The following ZNF169 variants were observed in gnomAD, a reference collection of about 807,000 sequenced individuals.
ZNF169 encodes the protein zinc finger protein 169.
A neutral mutation model predicts 12.0 loss-of-function variants in ZNF169; 11 were observed. That is an observed-to-expected ratio of 0.92 (90% CI 0.58 to 1.52). The LOEUF (loss-of-function observed/expected upper bound fraction) is 1.52, where lower values mean the gene tolerates loss of function less well. Among genes scored for constraint, ZNF169 ranks in the 40% most tolerant of loss-of-function variants. The pLI is 0.00. For missense variants in ZNF169, 722 were observed against 744.0 expected, an observed-to-expected ratio of 0.97 and a Z score of 0.34; for synonymous variants, 302 against 286.5, an observed-to-expected ratio of 1.05 and a Z score of -0.55.
intron 1 of ZNF169, among the ~76,000 whole-genome samples, chr9:94,260,696 A>G (rs557922829): frequency 9.2e-5 from 14 of 152,100 alleles, no homozygotes; most frequent in Non-Finnish European, 1.8e-4. Context: ...TGCAACAAGC[A>G]GAATGGTGCC....
At chr9:94,287,547 G>A (rs1287515059) in intron 2 of ZNF169, among the ~76,000 whole-genome samples, 2 of 152,106 alleles carry the variant, frequency 1.3e-5, no homozygotes, top group Non-Finnish European at 2.9e-5. Context: ...TGTATTTTTA[G>A]TAGAGACAGG....
intron 4 of ZNF169, among the ~76,000 whole-genome samples, chr9:94,297,977 G>A (rs536770301): frequency 6.6e-6 from 1 of 151,996 alleles, no homozygotes; most frequent in Non-Finnish European, 1.5e-5. Flanking sequence ...GACCAGCCTG[G>A]CCAACATGGT....
chr9:94,279,299 G>A (rs1263525410), intron 2 of ZNF169, among the ~76,000 whole-genome samples: 4 of 152,066 alleles, frequency 2.6e-5, no homozygotes, highest in African/African-American at 9.7e-5. Context: ...GCTGAGGCAG[G>A]AGAATCACTT....
Position 94,300,142 on chromosome 9 carries a change from G to T in ZNF169, c.584G>T (p.Gly195Val), listed in dbSNP as rs775032176. 5 of 1,614,190 alleles carry T rather than the reference G, an allele frequency of 3.1e-6. No homozygotes were observed. The South Asian group carries it at 5.5e-5, about 18-fold the overall frequency. The stretch of plus-strand genomic sequence containing the variant: ...CGCCTGGCCCAAAGGATGAGTCTTG[G>T]GGGGTCAGACACAATGTTGAAGGGA... ...DLRLAQRMSL[G>V]GSDTMLKGAD... The change falls in exon 5 of 5, where the codon GGG becomes GTG. Residue 195 changes from glycine to valine, a missense_variant. Physicochemically the swap from Gly to Val is moderately radical, Grantham distance 109. Transcript: ENST00000395395.
intron 1 of ZNF169, among the ~76,000 whole-genome samples, chr9:94,269,627 T>C (rs1248740066): frequency 6.6e-6 from 1 of 152,202 alleles, no homozygotes; most frequent in Admixed American, 6.5e-5. Context: ...TGCTATTTCT[T>C]GTGGCCCAAT....
intron 1 of ZNF169, among the ~76,000 whole-genome samples, chr9:94,267,720 T>C (rs1830318584): frequency 2.0e-5 from 3 of 152,314 alleles, no homozygotes; most frequent in South Asian, 4.1e-4. Flanking sequence ...ATTCCTGTTG[T>C]GCTTGATATT....
At chr9:94,272,957 T>G (rs966845059) in intron 1 of ZNF169, among the ~76,000 whole-genome samples, 1 of 152,202 alleles carries the variant, frequency 6.6e-6, no homozygotes, top group Non-Finnish European at 1.5e-5. Flanking sequence ...TGGTTTTCAT[T>G]TGCATTTCCC....
intron 1 of ZNF169, among the ~76,000 whole-genome samples, chr9:94,265,612 G>C (rs1357232705): frequency 6.6e-6 from 1 of 151,542 alleles, no homozygotes; most frequent in Non-Finnish European, 1.5e-5. Flanking sequence ...GTTTTCCAGA[G>C]CTTATATAAC....
At chr9:94,266,630 A>G (rs1180451303) in intron 1 of ZNF169, among the ~76,000 whole-genome samples, 1 of 152,192 alleles carries the variant, frequency 6.6e-6, no homozygotes, top group Admixed American at 6.5e-5. Flanking sequence ...AAAATAGGGA[A>G]AAAGGAAAAG....
intron 1 of ZNF169, among the ~76,000 whole-genome samples, chr9:94,260,989 T>C (rs1264118828): frequency 4.0e-5 from 6 of 150,492 alleles, no homozygotes; most frequent in African/African-American, 1.5e-4. Context: ...CCGGCTAATT[T>C]TTTTTGTATT....
In ZNF169 at chr9:94,301,473, A is replaced by G; in HGVS notation, c.*103A>G. The G allele has an allele frequency of 6.9e-7, 1 of 1,445,312 alleles. No individual in the cohort carries two copies. The highest frequency in any genetic ancestry group is 1.4e-5 in the African/African-American group (1 of 69,780). The allele number at this position is 1,445,312 out of a possible 1,614,324, so 89.5% of individuals were successfully genotyped here. On this transcript the variant is annotated 3_prime_UTR_variant, in exon 5 of 5. Coordinates refer to ENST00000395395, the MANE Select transcript of ZNF169 (RefSeq NM_194320.4). ...AAAAAAATGTTGCTTTCTTTCATCG[A>G]TCATGAGATAGTTGATTTTTGGTTT...
intron 4 of ZNF169, among the ~76,000 whole-genome samples, chr9:94,296,394 T>C (rs893657553): frequency 6.6e-6 from 1 of 152,202 alleles, no homozygotes; most frequent in Non-Finnish European, 1.5e-5. Flanking sequence ...TCTTTTCTCT[T>C]ATGAATTGCA....
At chr9:94,265,949 G>A (rs1257389827) in intron 1 of ZNF169, among the ~76,000 whole-genome samples, 1 of 151,944 alleles carries the variant, frequency 6.6e-6, no homozygotes, top group East Asian at 1.9e-4. Flanking sequence ...GGCTGGGCAT[G>A]GTGGCACATG....
rs927290342 is a variant in ZNF169 at position 94,300,322 on chromosome 9, C to T, written c.764C>T (p.Thr255Ile). 5.0e-6 allele frequency: 8 copies of T among 1,614,016 alleles called. No individual in the cohort carries two copies. The African/African-American group carries it at 1.1e-4, about 22-fold the overall frequency. ...TCAGACCTTATCAAGCACCAGAGGA[C>T]ACACACCGGGGAGAAGCCATACCTG... is the stretch of plus-strand genomic sequence containing the variant. ...QRSDLIKHQRTHTGEKPYLCP... is the reference protein window; with the variant it reads ...QRSDLIKHQRIHTGEKPYLCP... Residue 255 changes from threonine (T) to isoleucine (I), a missense_variant, in exon 5 of 5, where the codon ACA becomes ATA. Transcript: ENST00000395395.
rs1831082148 is a variant in ZNF169, at chr9:94,301,714, G to A, written c.*344G>A. On this transcript the variant is annotated 3_prime_UTR_variant, in exon 5 of 5. Coordinates refer to ENST00000395395, the MANE Select transcript of ZNF169 (RefSeq NM_194320.4). ...CGTCCTCACGTGGGCTTTTTTCTGT[G>A]TGTATGCTTTCCTGGTGTGGCTTCC... is the stretch of plus-strand genomic sequence containing the variant. Among the ~76,000 whole-genome samples the A allele has an allele frequency of 2.6e-5, 4 of 152,162 alleles. No homozygotes were observed. The highest frequency in any genetic ancestry group is 2.0e-4 in the Admixed American group (3 of 15,280).
intron 1 of ZNF169, among the ~76,000 whole-genome samples, chr9:94,264,696 T>C (rs1196658226): frequency 2.6e-5 from 4 of 152,180 alleles, no homozygotes; most frequent in Admixed American, 2.6e-4. Flanking sequence ...AGTGTACAAT[T>C]CGATGAGTTT....
intron 1 of ZNF169, among the ~76,000 whole-genome samples, chr9:94,276,602 C>T (rs891946458): frequency 6.6e-6 from 1 of 152,008 alleles, no homozygotes; most frequent in Non-Finnish European, 1.5e-5. Context: ...CCATCTTGGC[C>T]AGGGTTGTCT....
rs746982143 is a variant in ZNF169 at position 94,299,865 on chromosome 9, A to C, written c.307A>C (p.Ser103Arg). The C allele has an allele frequency of 1.4e-5, 22 of 1,613,950 alleles. No individual in the cohort carries two copies. Among genetic ancestry groups the C allele is most frequent in the Non-Finnish European group, 1.7e-5 (20 of 1,180,006 alleles). ...TTTTCCCCACCTGGTGGCCTTTTCTAGCTCGCAGCTCCTCAGACAATATGC... is the reference window on the plus strand; with the variant it reads ...TTTTCCCCACCTGGTGGCCTTTTCTCGCTCGCAGCTCCTCAGACAATATGC... Reference protein sequence around the residue: ...PSFPHLVAFSSSQLLRQYALS... With the variant: ...PSFPHLVAFSRSQLLRQYALS... Residue 103 changes from serine to arginine, a missense_variant, in exon 5 of 5, where the codon AGC becomes CGC. By Grantham distance (110) the Ser-to-Arg change is moderately radical. Transcript: ENST00000395395.
At chr9:94,299,117 G>T (rs899716632) in intron 4 of ZNF169, among the ~76,000 whole-genome samples, 9 of 152,178 alleles carry the variant, frequency 5.9e-5, no homozygotes, top group African/African-American at 2.2e-4. Flanking sequence ...GCTATTCGGG[G>T]AATATACTTG....
Sources: gnomAD v4.1 joint callset for allele counts (sites outside exome capture counted in the v4.1 genomes callset) on GRCh38, gnomAD v4.1.1 for gene constraint, MANE v1.5 for transcripts, NCBI Gene and HGNC (gene_info 2026-07-23, HGNC 2026-07-21) for gene names.